Variants in C8orf34 observed in about 807,000 individuals in gnomAD.
C8orf34 encodes chromosome 8 open reading frame 34.
In C8orf34, 65 loss-of-function variants were observed where a neutral mutation model predicts 68.3. That is an observed-to-expected ratio of 0.95 (90% CI 0.78 to 1.17). The LOEUF (loss-of-function observed/expected upper bound fraction) is 1.17. C8orf34 is among the 50% of genes most tolerant of loss of function. The pLI is 0.00. For missense variants in C8orf34, 664 were observed against 655.4 expected (o/e 1.01, Z -0.14); for synonymous variants, 244 against 241.2 (o/e 1.01, Z -0.11).
intron 8 of C8orf34, among the ~76,000 whole-genome samples, chr8:68,706,639 T>G (rs1563621155): frequency 6.6e-6 from 1 of 152,206 alleles, no homozygotes; most frequent in Non-Finnish European, 1.5e-5. Context: ...AAGTTGTCTG[T>G]CCTTGGGTTA....
chr8:68,800,889 C>T (rs1824309570), intron 12 of C8orf34, among the ~76,000 whole-genome samples: 2 of 152,038 alleles, frequency 1.3e-5, no homozygotes, highest in South Asian at 2.1e-4. Context: ...TGTTGGTGTT[C>T]TGAATCCAAA....
chr8:68,556,224 ATCTC>A (rs1816247191), intron 7 of C8orf34, among the ~76,000 whole-genome samples: 1 of 151,434 alleles, frequency 6.6e-6, no homozygotes, highest in African/African-American at 2.4e-5. Context: ...ATTTATCTCA[ATCTC>A]TATCTAGTAA....
chr8:68,651,828 A>G (rs999165077), intron 8 of C8orf34, among the ~76,000 whole-genome samples: 3 of 152,190 alleles, frequency 2.0e-5, no homozygotes, highest in African/African-American at 4.8e-5. Flanking sequence ...TGATGAGTAC[A>G]CTAGAAGCCG....
chr8:68,546,619 G>T (rs1479345389), intron 7 of C8orf34, among the ~76,000 whole-genome samples: 1 of 151,692 alleles, frequency 6.6e-6, no homozygotes, highest in Non-Finnish European at 1.5e-5. Flanking sequence ...TGGAATAACA[G>T]TATCAACATT....
At chr8:68,346,674 G>T (rs1176164758) in intron 1 of C8orf34, among the ~76,000 whole-genome samples, 1 of 151,974 alleles carries the variant, frequency 6.6e-6, no homozygotes, top group Non-Finnish European at 1.5e-5. Context: ...TTTCTCAAAT[G>T]TTACATAGTT....
chr8:68,401,726 G>A (rs1213956581), intron 1 of C8orf34, among the ~76,000 whole-genome samples: 2 of 151,798 alleles, frequency 1.3e-5, no homozygotes, highest in African/African-American at 4.8e-5. Context: ...GAACCATCTT[G>A]GCACCCCTAA....
At chr8:68,542,340 T>C (rs1815730193) in intron 7 of C8orf34, among the ~76,000 whole-genome samples, 1 of 152,216 alleles carries the variant, frequency 6.6e-6, no homozygotes. Flanking sequence ...TCTAATAATA[T>C]AAGAAATATA....
intron 12 of C8orf34, among the ~76,000 whole-genome samples, chr8:68,808,621 T>TATTA (rs1824554633): frequency 1.3e-5 from 2 of 151,656 alleles, no homozygotes; most frequent in South Asian, 4.1e-4. Context: ...TATTAGTTAT[T>TATTA]ATAAGTAATG....
chr8:68,353,378 TTAAC>T (rs1806600174), intron 1 of C8orf34, among the ~76,000 whole-genome samples: 2 of 151,964 alleles, frequency 1.3e-5, no homozygotes, highest in Admixed American at 1.3e-4. Flanking sequence ...TGGGGGAAGT[TTAAC>T]TATTTTGGTA....
At chr8:68,769,185 T>G (rs1304380517) in intron 10 of C8orf34, among the ~76,000 whole-genome samples, 1 of 151,982 alleles carries the variant, frequency 6.6e-6, no homozygotes, top group East Asian at 1.9e-4. Context: ...TCTTTTCCCT[T>G]GCTTTTTGTT....
chr8:68,355,316 A>G (rs933310617), intron 1 of C8orf34, among the ~76,000 whole-genome samples: 3 of 152,114 alleles, frequency 2.0e-5, no homozygotes, highest in Non-Finnish European at 4.4e-5. Context: ...TATCTGGGAG[A>G]TAATCTTTGG....
intron 5 of C8orf34, among the ~76,000 whole-genome samples, chr8:68,507,119 T>A (rs548823229): frequency 6.6e-5 from 10 of 152,320 alleles, no homozygotes; most frequent in African/African-American, 2.4e-4. Context: ...TAATTAAATT[T>A]TACAAGATTT....
intron 1 of C8orf34, among the ~76,000 whole-genome samples, chr8:68,420,961 A>C (rs1809941827): frequency 6.6e-6 from 1 of 152,134 alleles, no homozygotes; most frequent in Non-Finnish European, 1.5e-5. Flanking sequence ...AGGTCCCAGA[A>C]GTAGAAAGCA....
At chr8:68,768,570 C>G (rs1490845880) in intron 10 of C8orf34, among the ~76,000 whole-genome samples, 2 of 152,132 alleles carry the variant, frequency 1.3e-5, no homozygotes, top group Non-Finnish European at 2.9e-5. Flanking sequence ...AAAAGTGACT[C>G]TAGAATTAGA....
At chr8:68,815,584 A>G (rs543344815) in intron 12 of C8orf34, among the ~76,000 whole-genome samples, 1 of 152,274 alleles carries the variant, frequency 6.6e-6, no homozygotes, top group East Asian at 1.9e-4. Flanking sequence ...TGCAATTCAT[A>G]TGGGATCTTC....
chr8:68,624,648 T>C (rs1397142753), intron 7 of C8orf34, among the ~76,000 whole-genome samples: 2 of 152,188 alleles, frequency 1.3e-5, no homozygotes, highest in Non-Finnish European at 2.9e-5. Flanking sequence ...ATTCAATATA[T>C]AACTAGTGTG....
At chr8:68,351,353 T>C (rs1806505548) in intron 1 of C8orf34, among the ~76,000 whole-genome samples, 1 of 152,056 alleles carries the variant, frequency 6.6e-6, no homozygotes, top group African/African-American at 2.4e-5. Context: ...GTTCCCTTTG[T>C]ATGTGAACTG....
At chr8:68,406,237 G>T (rs1376841860) in intron 1 of C8orf34, among the ~76,000 whole-genome samples, 1 of 152,128 alleles carries the variant, frequency 6.6e-6, no homozygotes, top group Admixed American at 6.6e-5. Context: ...AAACATACAC[G>T]TAGTTTTGGT....
chr8:68,381,060 C>G (rs1347799109), intron 1 of C8orf34, among the ~76,000 whole-genome samples: 1 of 152,132 alleles, frequency 6.6e-6, no homozygotes, highest in African/African-American at 2.4e-5. Context: ...CATCAGAAAG[C>G]ACAGCTTGAA....
Sources: allele counts gnomAD v4.1 joint callset (sites outside exome capture counted in the v4.1 genomes callset), GRCh38; gene constraint gnomAD v4.1.1; transcripts MANE v1.5; gene names NCBI Gene and HGNC (gene_info 2026-07-23, HGNC 2026-07-21).